P2RX5: variants seen among roughly 807,000 people sequenced by gnomAD.
The protein encoded by P2RX5 is purinergic receptor P2X 5.
In P2RX5, 46 loss-of-function variants were observed where a neutral mutation model predicts 54.1. That is an observed-to-expected ratio of 0.85 (90% CI 0.67 to 1.09). P2RX5 has a LOEUF of 1.09. Among genes scored for constraint, P2RX5 ranks in the 50% least tolerant of loss-of-function variants. The pLI is 0.00. For missense variants in P2RX5, 566 were observed against 549.8 expected, an observed-to-expected ratio of 1.03 and a Z score of -0.29; for synonymous variants, 226 against 226.4, an observed-to-expected ratio of 1.00 and a Z score of 0.02.
At chr17:3,696,205 G>A (rs887234543), upstream of P2RX5, 6 of 390,588 alleles carry the variant, frequency 1.5e-5, no homozygotes, top group African/African-American at 2.1e-5. Context: ...AGAAAGCCTC[G>A]GCTGGGAGCT....
At chr17:3,678,307 C>G (rs2050150318) in intron 11 of P2RX5, among the ~76,000 whole-genome samples, 1 of 152,262 alleles carries the variant, frequency 6.6e-6, no homozygotes, top group South Asian at 2.1e-4. Flanking sequence ...CGCATAGATG[C>G]TCAGGCAGAA....
At chr17:3,679,167 G>A (rs79452377) in intron 11 of P2RX5, among the ~76,000 whole-genome samples, 5,277 of 152,264 alleles carry the variant, frequency 0.035, 327 homozygotes, top group African/African-American at 0.12. Flanking sequence ...GCCATTCACC[G>A]GCTGTGTGAC....
At chr17:3,690,781 A>C in intron 3 of P2RX5, 101 bp from the exon 4 acceptor site, 1 of 1,309,016 alleles carries the variant, frequency 7.6e-7, no homozygotes, top group Non-Finnish European at 1.1e-6. Flanking sequence ...GGCCTGGCCC[A>C]CACACACTCT....
chr17:3,680,146 AGTCCTCCATCCG>A (rs1567730144), intron 10 of P2RX5, among the ~76,000 whole-genome samples: 15 of 29,286 alleles, frequency 5.1e-4, no homozygotes, highest in South Asian at 2.8e-3. Context: ...CTCCACCCTG[AGTCCTCCATCCG>A]GTGTCCTCCA....
upstream of P2RX5, among the ~76,000 whole-genome samples, chr17:3,699,547 C>T (rs2050801184): frequency 6.6e-6 from 1 of 151,816 alleles, no homozygotes; most frequent in Non-Finnish European, 1.5e-5. Context: ...TGGCTCACAC[C>T]TGTCATCCCA....
At chr17:3,703,663 C>T in the P2RX5 span, among the ~76,000 whole-genome samples, 1 of 152,210 alleles carries the variant, frequency 6.6e-6, no homozygotes, top group Non-Finnish European at 1.5e-5. Context: ...GTCACCCCTG[C>T]AGCCTCTGAA....
chr17:3,691,297 A>G (rs1330991126), intron 2 of P2RX5, among the ~76,000 whole-genome samples: 1 of 152,226 alleles, frequency 6.6e-6, no homozygotes, highest in East Asian at 1.9e-4. Flanking sequence ...GCCCTGGCCA[A>G]CTGTGAACAG....
At chr17:3,722,630 A>C in the P2RX5 span, 1 of 153,056 alleles carries the variant, frequency 6.5e-6, no homozygotes, top group Admixed American at 6.5e-5. Flanking sequence ...GCGAGCTAGA[A>C]GAATAGGACA....
At chr17:3,723,527 T>A in the P2RX5 span, 1 of 994,340 alleles carries the variant, frequency 1.0e-6, no homozygotes, top group Non-Finnish European at 1.5e-6. Flanking sequence ...CAAGCGAAGC[T>A]CCAGCGGGAG....
intron 10 of P2RX5, 121 bp from the exon 11 acceptor site, chr17:3,679,905 C>G (rs549425738): frequency 2.4e-6 from 2 of 830,000 alleles, no homozygotes; most frequent in African/African-American, 1.7e-5. Context: ...TTCCTCCAGC[C>G]GGTGTCCTCC....
the P2RX5 span, chr17:3,723,354 A>G: frequency 6.2e-7 from 1 of 1,613,854 alleles, no homozygotes; most frequent in Admixed American, 1.7e-5. Context: ...AAGCGATGAC[A>G]CAGCTCACTG....
At chr17:3,716,651 A>G in the P2RX5 span, 1 of 1,232,906 alleles carries the variant, frequency 8.1e-7, no homozygotes. Context: ...ACTAGAGCCC[A>G]GTCTTCCCTC....
At chr17:3,720,495 G>A in the P2RX5 span, 1 of 661,892 alleles carries the variant, frequency 1.5e-6, no homozygotes, top group African/African-American at 1.8e-5. Context: ...TCCCTTTAAA[G>A]GTATTCCTGG....
chr17:3,693,124 T>A (rs2050663490), intron 1 of P2RX5, among the ~76,000 whole-genome samples: 1 of 83,718 alleles, frequency 1.2e-5, no homozygotes, highest in African/African-American at 3.8e-5. Context: ...AATAGACATT[T>A]CTCAAAAAAA....
chr17:3,673,835 T>C lies in P2RX5; in HGVS notation c.*33A>G. ...ATCACTGGGTGCTAGACGGCTGGGT[T>C]TAGGACAGGGCCTGAACGTAAGCAG... is the stretch of plus-strand genomic sequence containing the variant. On this transcript the variant is annotated 3_prime_UTR_variant, in exon 12 of 12. Transcript: ENST00000225328. The C allele has an allele frequency of 6.2e-7, 1 of 1,612,798 alleles. No individual in the cohort carries two copies. The highest frequency in any genetic ancestry group is 8.5e-7 in the Non-Finnish European group (1 of 1,180,004).
At chr17:3,707,785 G>A in the P2RX5 span, among the ~76,000 whole-genome samples, 7 of 152,074 alleles carry the variant, frequency 4.6e-5, no homozygotes, top group East Asian at 9.6e-4. Context: ...TCGGCCAGAC[G>A]CGGTGGCTCA....
chr17:3,720,289 A>T, the P2RX5 span: 1 of 1,325,508 alleles, frequency 7.5e-7, no homozygotes, highest in Non-Finnish European at 1.1e-6. Context: ...CACTACTCAG[A>T]AGCCAGCCAG....
the P2RX5 span, among the ~76,000 whole-genome samples, chr17:3,701,907 C>T: frequency 6.6e-6 from 1 of 151,898 alleles, no homozygotes; most frequent in Non-Finnish European, 1.5e-5. Flanking sequence ...AGGCACACAC[C>T]ACCATGCCCG....
chr17:3,677,024 T>C, intron 11 of P2RX5: 3 of 922,292 alleles, frequency 3.3e-6, no homozygotes, highest in Non-Finnish European at 3.9e-6. Context: ...ATCACGCCAC[T>C]GCACTCCAGC....
Sources: allele counts gnomAD v4.1 joint callset (sites outside exome capture counted in the v4.1 genomes callset), GRCh38; gene constraint gnomAD v4.1.1; transcripts MANE v1.5; gene names NCBI Gene and HGNC (gene_info 2026-07-23, HGNC 2026-07-21).